The following ADGRB1 variants were observed in gnomAD, a reference collection of about 807,000 sequenced individuals.
ADGRB1 encodes the protein adhesion G protein-coupled receptor B1.
Under a neutral mutation model 175.7 loss-of-function variants are expected in ADGRB1, and 36 were observed. That is an observed-to-expected ratio of 0.20 (90% CI 0.16 to 0.27). The LOEUF is 0.27. ADGRB1 is among the 10% of genes least tolerant of loss of function. The pLI is 1.00. For missense variants in ADGRB1, 1,731 were observed against 2,255.3 expected (o/e 0.77, Z 4.71); for synonymous variants, 1,054 against 979.4 (o/e 1.08, Z -1.42).
chr8:142,544,150 C>T lies in ADGRB1; in HGVS notation c.4558-70C>T, dbSNP rs1055850149. 2.6e-5 allele frequency: 39 copies of T among 1,491,982 alleles called. 2 individuals are homozygous for T. In the Admixed American group the frequency reaches 3.2e-4, roughly 12 times the overall value. The allele number at this position is 1,491,982 out of a possible 1,614,324, so 92.4% of individuals were successfully genotyped here. Reference sequence around the variant, plus strand: ...CTCACTGATTCGTGTCTGCCTCCTCCCCCCTACTCCTCGGGCTCATGGCTC... The same window carrying T: ...CTCACTGATTCGTGTCTGCCTCCTCTCCCCTACTCCTCGGGCTCATGGCTC... On this transcript the variant is annotated intron_variant, in intron 30 of 30. Coordinates refer to ENST00000517894, the MANE Select transcript of ADGRB1 (RefSeq NM_001702.3).
intron 18 of ADGRB1, among the ~76,000 whole-genome samples, chr8:142,514,527 T>C (rs9693280): frequency 0.061 from 9,270 of 152,260 alleles, 406 homozygotes; most frequent in African/African-American, 0.12. Context: ...TGGCGTGTAG[T>C]AAACAGTCTG....
intron 18 of ADGRB1, among the ~76,000 whole-genome samples, chr8:142,516,338 TGC>T (rs1843428820): frequency 7.4e-6 from 1 of 135,650 alleles, no homozygotes; most frequent in African/African-American, 2.9e-5. Flanking sequence ...CATGCGTGTG[TGC>T]GGGCCCCAGG....
chr8:142,539,361 C>T lies in ADGRB1; in HGVS notation c.3667-13C>T, dbSNP rs1382523212. The T allele has an allele frequency of 1.6e-5, 25 of 1,580,578 alleles. No individual in the cohort carries two copies. Among genetic ancestry groups the T allele is most frequent in the Non-Finnish European group, 2.1e-5 (24 of 1,164,160 alleles). Reference sequence around the variant, plus strand: ...AGAGGCGCTCACCCTGCCCTGTTGTCTCTGTCCTACAGACCGACTTCGAGA... The same window carrying T: ...AGAGGCGCTCACCCTGCCCTGTTGTTTCTGTCCTACAGACCGACTTCGAGA... On this transcript the variant is annotated splice_polypyrimidine_tract_variant and intron_variant, in intron 26 of 30. Transcript: ENST00000517894.
At chr8:142,514,102 C>A (rs1418458871) in intron 18 of ADGRB1, among the ~76,000 whole-genome samples, 2 of 151,984 alleles carry the variant, frequency 1.3e-5, no homozygotes, top group Non-Finnish European at 2.9e-5. Context: ...CCTAGCTTAG[C>A]CTGGCTGGGG....
At chr8:142,501,922 G>A (rs1587359022) in intron 17 of ADGRB1, among the ~76,000 whole-genome samples, 1 of 142,656 alleles carries the variant, frequency 7.0e-6, no homozygotes, top group South Asian at 2.4e-4. Context: ...TGGTGGCGGT[G>A]ATGGCGATGG....
In ADGRB1 at chr8:142,477,157, C is replaced by T. The variant is rs781087945; in HGVS notation, c.1101C>T (p.Ser367=). 3 of 1,593,458 alleles carry T rather than the reference C, an allele frequency of 1.9e-6. 1 individual carries two copies. The highest frequency in any genetic ancestry group is 3.4e-5 in the Admixed American group (2 of 59,582). ...AGTGGTCCCCGTGGAGCGTGTGCTC[C>T]AGCACCTGCGGCGAGGGCTGGCAGA... is the stretch of plus-strand genomic sequence containing the variant. The part of the protein sequence containing the change: ...AEEWSPWSVC[S]STCGEGWQTR... Residue 367 remains serine (S), a synonymous_variant, in exon 5 of 31, where the codon TCC becomes TCT. Coordinates refer to ENST00000517894, the MANE Select transcript of ADGRB1 (RefSeq NM_001702.3).
chr8:142,456,218 T>C (rs550899455), intron 1 of ADGRB1, among the ~76,000 whole-genome samples: 1 of 151,954 alleles, frequency 6.6e-6, no homozygotes, highest in African/African-American at 2.4e-5. Flanking sequence ...AGCCTTCCTC[T>C]CCACCACAGC....
Position 142,470,419 on chromosome 8 carries a change from C to T in ADGRB1, c.785-5055C>T, listed in dbSNP as rs572930474. On this transcript the variant is annotated intron_variant, in intron 2 of 30. Coordinates refer to ENST00000517894, the MANE Select transcript of ADGRB1 (RefSeq NM_001702.3). ...CGTGTGTGTGTGTGTCCCTATGTGT[C>T]CCCGTGTGGTGTGTGTGGAGCCATT... Among the ~76,000 whole-genome samples, 34 of 151,684 alleles carry T rather than the reference C, an allele frequency of 2.2e-4. 1 individual carries two copies. In the South Asian group the frequency reaches 5.4e-3, roughly 24 times the overall value.
chr8:142,495,645 C>A (rs770286967), intron 17 of ADGRB1, among the ~76,000 whole-genome samples: 35 of 151,960 alleles, frequency 2.3e-4, no homozygotes, highest in Admixed American at 6.6e-5. Context: ...GGCGTCACTC[C>A]AGTCTCTGCT....
chr8:142,465,453 G>T (rs1460575932), intron 2 of ADGRB1, among the ~76,000 whole-genome samples: 1 of 152,120 alleles, frequency 6.6e-6, no homozygotes, highest in Non-Finnish European at 1.5e-5. Context: ...TGGTCCTGGG[G>T]ACTCGGGCTG....
intron 18 of ADGRB1, among the ~76,000 whole-genome samples, chr8:142,512,933 G>A (rs901052574): frequency 3.0e-4 from 46 of 152,262 alleles, no homozygotes; most frequent in Admixed American, 2.1e-3. Context: ...CCCAGTGCAC[G>A]AGGGGGAGGA....
intron 1 of ADGRB1, among the ~76,000 whole-genome samples, chr8:142,460,583 C>T (rs1344167449): frequency 3.3e-5 from 5 of 152,180 alleles, no homozygotes; most frequent in Admixed American, 3.3e-4. Context: ...TGTGGAACCC[C>T]AGGGCTTCAA....
At chr8:142,466,365 GTTC>G (rs1443690696) in intron 2 of ADGRB1, among the ~76,000 whole-genome samples, 1 of 152,202 alleles carries the variant, frequency 6.6e-6, no homozygotes, top group African/African-American at 2.4e-5. Flanking sequence ...CTGGAGCATG[GTTC>G]TACCCACAAC....
At position 142,537,065 on chromosome 8, in the gene ADGRB1, G is replaced by T; in HGVS notation, c.3649G>T (p.Gly1217Cys). 1 of 1,564,104 alleles carries T rather than the reference G, an allele frequency of 6.4e-7. No individual in the cohort carries two copies. The highest frequency in any genetic ancestry group is 1.8e-5 in the Admixed American group (1 of 55,284). Residue 1217 changes from glycine (G) to cysteine (C), a missense_variant, in exon 26 of 31, where the codon GGC becomes TGC. By Grantham distance (159) the Gly-to-Cys change is radical (BLOSUM62 -3). Around this residue, in one of 8 missense-constraint regions of ADGRB1, gnomAD observed 301 missense variants for 488.4 expected, o/e 0.62. Coordinates refer to ENST00000517894, the MANE Select transcript of ADGRB1 (RefSeq NM_001702.3). The surrounding 1 kb of genome is among the most constrained non-coding windows in gnomAD (Gnocchi z 4.6). ...NGDSGGSFQN[G>C]HAQLMTDFEK... Reference sequence around the variant, plus strand: ...GGACTCAGGGGGCTCCTTCCAGAACGGCCACGCCCAGCTCATGGTAGGACT... The same window carrying T: ...GGACTCAGGGGGCTCCTTCCAGAACTGCCACGCCCAGCTCATGGTAGGACT...
chr8:142,500,551 G>A (rs527821167), intron 17 of ADGRB1, among the ~76,000 whole-genome samples: 75 of 151,590 alleles, frequency 4.9e-4, no homozygotes, highest in Admixed American at 1.5e-3. Flanking sequence ...AGCCTCTTCC[G>A]CTCAGCACCC....
chr8:142,503,865 C>T (rs757608748), intron 17 of ADGRB1, among the ~76,000 whole-genome samples: 13 of 152,176 alleles, frequency 8.5e-5, no homozygotes, highest in African/African-American at 2.2e-4. Context: ...AGTGTGGCGG[C>T]GCCAGGTGGG....
chr8:142,513,780 A>G (rs555758845), intron 18 of ADGRB1, among the ~76,000 whole-genome samples: 34 of 152,156 alleles, frequency 2.2e-4, no homozygotes, highest in African/African-American at 7.5e-4. Flanking sequence ...TTGTGGGGTG[A>G]GTAGCAGCCA....
chr8:142,524,259 G>T lies in ADGRB1; in HGVS notation c.3267G>T (p.Gly1089=). 1 of 1,600,684 alleles carries T rather than the reference G, an allele frequency of 6.2e-7. No individual in the cohort carries two copies. The highest frequency in any genetic ancestry group is 8.5e-7 in the Non-Finnish European group (1 of 1,179,086). Residue 1089 remains glycine (G), a synonymous_variant, in exon 23 of 31, where the codon GGG becomes GGT. Coordinates refer to ENST00000517894, the MANE Select transcript of ADGRB1 (RefSeq NM_001702.3). ...CCAGCTGCTGGCTCTCCCTGGAGGG[G>T]GGACTGCTCTATGCCTTCGTGGGAC... ...TMNYCWLSLE[G]GLLYAFVGPA... is the part of the protein sequence containing the mutation.
At chr8:142,522,356 G>A (rs1019631096) in intron 21 of ADGRB1, among the ~76,000 whole-genome samples, 3 of 152,186 alleles carry the variant, frequency 2.0e-5, no homozygotes, top group African/African-American at 7.2e-5. Context: ...TATGTCCGGT[G>A]CAGTATTTGG....
Sources: gnomAD v4.1 joint callset for allele counts (sites outside exome capture counted in the v4.1 genomes callset) on GRCh38, gnomAD v4.1.1 for gene constraint, gnomAD v4.1.1 regional missense constraint, Gnocchi (gnomAD v3.1) non-coding constraint, MANE v1.5 for transcripts, NCBI Gene and HGNC (gene_info 2026-07-23, HGNC 2026-07-21) for gene names.